NOS1: variants seen among roughly 807,000 people sequenced by gnomAD.
The protein encoded by NOS1 is NOS type I.
Under a neutral mutation model 164.5 loss-of-function variants are expected in NOS1, and 51 were observed. The ratio of observed to expected loss-of-function variants is 0.31; its 90% CI spans 0.25 to 0.39. The LOEUF is 0.39. Ranked by LOEUF, NOS1 falls within the 10% of genes least tolerant of loss-of-function variation. NOS1 has a pLI of 1.00. For synonymous variants in NOS1, 719 were observed against 745.8 expected (o/e 0.96, Z 0.59); for missense variants, 1,362 against 1,885.6 (o/e 0.72, Z 5.14).
At chr12:117,306,624 C>CT (rs200468759) in intron 3 of NOS1, among the ~76,000 whole-genome samples, 19,884 of 143,952 alleles carry the variant, frequency 0.14, 1,521 homozygotes, top group East Asian at 0.26. Context: ...ACAACCACTC[C>CT]TTTTTTTTTT....
chr12:117,348,749 C>T (rs1021775921), intron 1 of NOS1, among the ~76,000 whole-genome samples: 1 of 152,196 alleles, frequency 6.6e-6, no homozygotes, highest in African/African-American at 2.4e-5. Context: ...CAAAGTGGCA[C>T]TGTAACTGAC....
chr12:117,297,504 G>C (rs886745264), intron 3 of NOS1, among the ~76,000 whole-genome samples: 8 of 152,142 alleles, frequency 5.3e-5, no homozygotes, highest in African/African-American at 1.9e-4. Context: ...TGATTCTCCT[G>C]CCTCAGCCTC....
chr12:117,280,688 C>T (rs1220029142), intron 8 of NOS1, 37 bp downstream of exon 8: 1 of 1,596,898 alleles, frequency 6.3e-7, no homozygotes, highest in Non-Finnish European at 8.5e-7. Context: ...CATAAGAGCC[C>T]ATGTTGGGGC....
At chr12:117,229,594 AT>A (rs1398436425) in intron 22 of NOS1, among the ~76,000 whole-genome samples, 13 of 151,688 alleles carry the variant, frequency 8.6e-5, no homozygotes, top group Non-Finnish European at 1.3e-4. Context: ...CTATCTATCT[AT>A]CTATCTATCT....
chr12:117,332,564 T>G (rs1875598203), intron 1 of NOS1, among the ~76,000 whole-genome samples: 1 of 151,808 alleles, frequency 6.6e-6, no homozygotes, highest in Non-Finnish European at 1.5e-5. Flanking sequence ...CTTTCTCTAT[T>G]TATTTAAAAA....
chr12:117,279,139 G>A (rs944776586), intron 8 of NOS1, among the ~76,000 whole-genome samples: 2 of 152,054 alleles, frequency 1.3e-5, no homozygotes, highest in Admixed American at 6.6e-5. Context: ...AGCACTTTGG[G>A]AGGCAGAGGT....
At position 117,241,471 on chromosome 12, in the gene NOS1, G is replaced by A. The variant is rs139154755; in HGVS notation, c.3041+1156C>T. Reference sequence around the variant, plus strand: ...CAGCCAGTCCTTGGAATCAACAAGAGCTTGTCCTTTATTGTGGGTGGCACC... The same window carrying A: ...CAGCCAGTCCTTGGAATCAACAAGAACTTGTCCTTTATTGTGGGTGGCACC... On this transcript the variant is annotated intron_variant, in intron 20 of 28. Coordinates refer to ENST00000317775, the MANE Select transcript of NOS1 (RefSeq NM_000620.5). 1.0e-3 allele frequency among the ~76,000 whole-genome samples: 155 copies of A among 151,662 alleles called. 1 individual carries two copies. Among genetic ancestry groups the A allele is most frequent in the African/African-American group, 3.6e-3 (147 of 41,368 alleles).
chr12:117,209,517 C>T lies in NOS1; in HGVS notation c.*5792G>A, dbSNP rs776067238. ...CAGTGCATGGAGGCAGATTTGTTCC[C>T]GCCTGCCAGGGCCATCTCGTTAATA... On this transcript the variant is annotated 3_prime_UTR_variant, in exon 29 of 29. Coordinates refer to ENST00000317775, the MANE Select transcript of NOS1 (RefSeq NM_000620.5). 11 of 985,360 alleles carry T rather than the reference C, an allele frequency of 1.1e-5. No individual in the cohort carries two copies. Among genetic ancestry groups the T allele is most frequent in the Admixed American group, 6.1e-5 (1 of 16,268 alleles). 61.0% of individuals were successfully genotyped at this position (985,360 alleles called of 1,614,324 possible).
At chr12:117,305,061 A>C in intron 3 of NOS1, 1 of 985,194 alleles carries the variant, frequency 1.0e-6, no homozygotes, top group Non-Finnish European at 1.2e-6. Flanking sequence ...TCCCTTCCTG[A>C]CTCAGGATTG....
chr12:117,291,710 T>C (rs1220174983), intron 3 of NOS1, among the ~76,000 whole-genome samples: 1 of 151,872 alleles, frequency 6.6e-6, no homozygotes, highest in African/African-American at 2.4e-5. Context: ...ATTTCTTATA[T>C]ATTTTGTAGA....
At chr12:117,286,350 C>T in intron 5 of NOS1, 84 bp from the exon 6 acceptor site, 1 of 1,430,868 alleles carries the variant, frequency 7.0e-7, no homozygotes, top group Non-Finnish European at 9.5e-7. Flanking sequence ...TTCCAAGAGG[C>T]TGGAAGCTAC....
intron 11 of NOS1, 85 bp from the exon 12 acceptor site, chr12:117,265,595 C>T: frequency 9.6e-7 from 1 of 1,045,792 alleles, no homozygotes; most frequent in Non-Finnish European, 1.3e-6. Context: ...CAGCATTTCC[C>T]AAAGGGTGGT....
rs780701742 is a variant in NOS1, at chr12:117,220,128, G to C, written c.4117C>G (p.Gln1373Glu). ...VLKAIQRIMT[Q>E]QGKLSAEDAG... ...TCCTCTGCCGAGAGCTTCCCCTGCT[G>C]GGTCATGATGCGCTGGATGGCTTTG... The change falls in exon 27 of 29, where the codon CAG (glutamine) becomes GAG (glutamate). Residue 1373 changes from glutamine (Q) to glutamate (E), a missense_variant. By Grantham distance (29) the Gln-to-Glu change is conservative. Coordinates refer to ENST00000317775, the MANE Select transcript of NOS1 (RefSeq NM_000620.5). The C allele has an allele frequency of 4.4e-5, 71 of 1,613,644 alleles. No homozygotes were observed. The highest frequency in any genetic ancestry group is 5.4e-5 in the Non-Finnish European group (64 of 1,179,888).
chr12:117,314,966 C>A (rs1171525254), intron 2 of NOS1, among the ~76,000 whole-genome samples: 1 of 152,176 alleles, frequency 6.6e-6, no homozygotes, highest in African/African-American at 2.4e-5. Context: ...GAGCAAGTAA[C>A]CCAACATCTC....
chr12:117,282,380 C>A (rs3825102), intron 7 of NOS1, among the ~76,000 whole-genome samples: 46,281 of 152,028 alleles, frequency 0.3, 7,659 homozygotes, highest in Middle Eastern at 0.39. Context: ...GGGTCCAACT[C>A]CTTGCTTATA....
At chr12:117,239,746 C>T (rs999632680) in intron 20 of NOS1, among the ~76,000 whole-genome samples, 14 of 151,572 alleles carry the variant, frequency 9.2e-5, no homozygotes, top group African/African-American at 2.9e-4. Context: ...AAGCTGGAAA[C>T]GGTATTAAGC....
At chr12:117,311,341 C>T (rs192900773) in intron 3 of NOS1, 125 bp downstream of exon 3, 247 of 1,177,702 alleles carry the variant, frequency 2.1e-4, no homozygotes, top group Non-Finnish European at 2.6e-4. Flanking sequence ...AGCTCTCCAG[C>T]CACGGCGGCT....
At chr12:117,262,982 C>T (rs1872063990) in intron 13 of NOS1, among the ~76,000 whole-genome samples, 1 of 152,144 alleles carries the variant, frequency 6.6e-6, no homozygotes, top group Non-Finnish European at 1.5e-5. Flanking sequence ...CCTCCCTGAC[C>T]TCCCAAACTC....
intron 20 of NOS1, among the ~76,000 whole-genome samples, chr12:117,236,139 C>G (rs1370075526): frequency 6.6e-6 from 1 of 152,200 alleles, no homozygotes; most frequent in African/African-American, 2.4e-5. Flanking sequence ...GGATCGATTA[C>G]ACTTTGAGAA....
Sources: allele counts gnomAD v4.1 joint callset (sites outside exome capture counted in the v4.1 genomes callset), GRCh38; gene constraint gnomAD v4.1.1; transcripts MANE v1.5; gene names NCBI Gene and HGNC (gene_info 2026-07-23, HGNC 2026-07-21).